Variants in UBE2L3 observed in about 807,000 individuals in gnomAD.
UBE2L3 encodes ubiquitin conjugating enzyme E2 L3, also known as ubiquitin-conjugating enzyme E2 L3.
A neutral mutation model predicts 17.8 loss-of-function variants in UBE2L3; 1 was observed. The observed-to-expected ratio is 0.06, with a 90% confidence interval of 0.02 to 0.27. UBE2L3 has a LOEUF of 0.27. Ranked by LOEUF, UBE2L3 falls within the 10% of genes least tolerant of loss-of-function variation. UBE2L3 has a pLI of 1.00. For synonymous variants in UBE2L3, 44 were observed against 68.5 expected, an observed-to-expected ratio of 0.64 and a Z score of 1.76; for missense variants, 40 against 192.6, an observed-to-expected ratio of 0.21 and a Z score of 4.69.
At chr22:21,604,716 C>T (rs1429072120) in intron 2 of UBE2L3, among the ~76,000 whole-genome samples, 2 of 152,094 alleles carry the variant, frequency 1.3e-5, no homozygotes, top group Admixed American at 6.6e-5. Context: ...GGCCTTTACC[C>T]GGAAGGTATA....
chr22:21,567,690 C>T (rs889947102), upstream of UBE2L3: 2 of 1,558,416 alleles, frequency 1.3e-6, no homozygotes, highest in Non-Finnish European at 1.7e-6. Context: ...GCGGGGGCTC[C>T]AGCCGCCCGG....
intron 1 of UBE2L3, among the ~76,000 whole-genome samples, chr22:21,559,841 A>T (rs1339692212): frequency 1.3e-5 from 2 of 152,226 alleles, no homozygotes; most frequent in African/African-American, 4.8e-5. Context: ...ACCTGGCCAG[A>T]CCCTAACCCG....
intron 1 of UBE2L3, among the ~76,000 whole-genome samples, chr22:21,561,385 G>C (rs1488597882): frequency 6.6e-6 from 1 of 152,298 alleles, no homozygotes; most frequent in East Asian, 1.9e-4. Flanking sequence ...AGACCAGCCT[G>C]GGTAATATAG....
chr22:21,570,963 A>C (rs1249282915), intron 1 of UBE2L3, among the ~76,000 whole-genome samples: 1 of 152,216 alleles, frequency 6.6e-6, no homozygotes. Context: ...CTGTCTGCAG[A>C]TAGTGTAAAA....
At chr22:21,586,180 T>A (rs1026903526) in intron 1 of UBE2L3, among the ~76,000 whole-genome samples, 6 of 152,170 alleles carry the variant, frequency 3.9e-5, no homozygotes, top group African/African-American at 1.2e-4. Context: ...TGTGCTTAAG[T>A]GATCCTCCTG....
intron 3 of UBE2L3, chr22:21,614,526 C>T (rs1386096058): frequency 1.5e-6 from 2 of 1,339,328 alleles, no homozygotes; most frequent in South Asian, 2.3e-5. Context: ...AGCACCTGCT[C>T]ATGATTTTTG....
intron 2 of UBE2L3, among the ~76,000 whole-genome samples, chr22:21,601,168 C>G (rs1199688503): frequency 6.6e-6 from 1 of 151,858 alleles, no homozygotes; most frequent in Non-Finnish European, 1.5e-5. Context: ...GAGACTCTTT[C>G]AAAGAAAAAT....
In UBE2L3 at chr22:21,584,813, G is replaced by C. The variant is rs552389326; in HGVS notation, c.28-8048G>C. Among the ~76,000 whole-genome samples the C allele has an allele frequency of 2.0e-5, 3 of 152,004 alleles. No homozygotes were observed. The South Asian group carries it at 6.2e-4, about 32-fold the overall frequency. On this transcript the variant is annotated intron_variant, in intron 1 of 3. Transcript: ENST00000342192. ...CCATCTCTACTAAAAATACAAAAAT[G>C]AGCTGGGCATGGTGGTGCGTGCCTG...
upstream of UBE2L3, among the ~76,000 whole-genome samples, chr22:21,563,215 C>G (rs1479072897): frequency 7.2e-6 from 1 of 139,512 alleles, no homozygotes; most frequent in Non-Finnish European, 1.5e-5. Flanking sequence ...GCACTCCAGC[C>G]TGGGCGACAG....
At chr22:21,612,322 C>T (rs1929520344) in intron 3 of UBE2L3, among the ~76,000 whole-genome samples, 1 of 151,392 alleles carries the variant, frequency 6.6e-6, no homozygotes. Flanking sequence ...CTGGTTTTTT[C>T]TTTTCTTTTC....
chr22:21,581,179 C>G (rs553986355), intron 1 of UBE2L3, among the ~76,000 whole-genome samples: 34 of 152,188 alleles, frequency 2.2e-4, no homozygotes, highest in African/African-American at 7.9e-4. Context: ...CTCAGCCCCC[C>G]AAGTAGCTGA....
At chr22:21,568,918 C>T (rs1926800848) in intron 1 of UBE2L3, among the ~76,000 whole-genome samples, 1 of 152,120 alleles carries the variant, frequency 6.6e-6, no homozygotes, top group Admixed American at 6.6e-5. Flanking sequence ...AGGACATTAA[C>T]TTTATAAAAC....
chr22:21,607,605 G>A (rs148124940), intron 2 of UBE2L3, among the ~76,000 whole-genome samples: 51 of 152,152 alleles, frequency 3.4e-4, no homozygotes, highest in African/African-American at 1.2e-3. Flanking sequence ...AAGTGCCATG[G>A]CAGACCTGGG....
upstream of UBE2L3, among the ~76,000 whole-genome samples, chr22:21,567,340 T>C (rs1926679142): frequency 6.6e-6 from 1 of 152,154 alleles, no homozygotes; most frequent in African/African-American, 2.4e-5. Context: ...ATTTTTTGTA[T>C]TTTTAGTAGA....
intron 1 of UBE2L3, among the ~76,000 whole-genome samples, chr22:21,582,075 G>A (rs1303740412): frequency 6.7e-6 from 1 of 149,034 alleles, no homozygotes; most frequent in Admixed American, 6.8e-5. Flanking sequence ...AGCCAAGATC[G>A]CACCACTGCA....
intron 3 of UBE2L3, among the ~76,000 whole-genome samples, chr22:21,611,687 A>G (rs1466036328): frequency 1.3e-5 from 2 of 152,090 alleles, no homozygotes; most frequent in Non-Finnish European, 2.9e-5. Flanking sequence ...AGAATATTTG[A>G]GTCAGTATTG....
chr22:21,591,437 G>T (rs1273609366), intron 1 of UBE2L3, among the ~76,000 whole-genome samples: 1 of 152,208 alleles, frequency 6.6e-6, no homozygotes, highest in African/African-American at 2.4e-5. Context: ...TGTGCCTGTT[G>T]CCTGCTATGA....
chr22:21,557,434 T>A (rs520790), intron 1 of UBE2L3, among the ~76,000 whole-genome samples: 1 of 152,212 alleles, frequency 6.6e-6, no homozygotes, highest in Non-Finnish European at 1.5e-5. Context: ...AAAAATAAAT[T>A]AAACAGAAAT....
chr22:21,576,015 T>A (rs977084393), intron 1 of UBE2L3, among the ~76,000 whole-genome samples: 9 of 151,946 alleles, frequency 5.9e-5, no homozygotes, highest in Middle Eastern at 3.2e-3. Context: ...AAACATCCAG[T>A]GTAGTGTGAC....
Sources: gnomAD v4.1 joint callset for allele counts (sites outside exome capture counted in the v4.1 genomes callset) on GRCh38, gnomAD v4.1.1 for gene constraint, MANE v1.5 for transcripts, NCBI Gene and HGNC (gene_info 2026-07-23, HGNC 2026-07-21) for gene names.